Variants in IFFO2 observed in about 807,000 individuals in gnomAD.
IFFO2 encodes the protein intermediate filament family orphan 2.
Under a neutral mutation model 53.5 loss-of-function variants are expected in IFFO2, and 19 were observed. The observed-to-expected ratio is 0.36, with a 90% CI of 0.25 to 0.52. The LOEUF (loss-of-function observed/expected upper bound fraction) is 0.52, where lower values mean the gene tolerates loss of function less well. Among genes scored for constraint, IFFO2 ranks in the 20% least tolerant of loss-of-function variants. The pLI is 0.94. For synonymous variants in IFFO2, 303 were observed against 313.6 expected (o/e 0.97, Z 0.36); for missense variants, 570 against 727.4 (o/e 0.78, Z 2.49).
intron 1 of IFFO2, among the ~76,000 whole-genome samples, chr1:18,942,590 G>C (rs1240275553): frequency 2.6e-5 from 4 of 152,242 alleles, no homozygotes. Context: ...CTCAGAGCCA[G>C]AGTTCCCACC....
chr1:18,937,766 G>A (rs546705430), intron 1 of IFFO2, among the ~76,000 whole-genome samples: 7 of 152,216 alleles, frequency 4.6e-5, no homozygotes, highest in Non-Finnish European at 1.0e-4. Context: ...TGGCCCAGCC[G>A]CCACTGGAGG....
In IFFO2 at chr1:18,916,933, G is replaced by A. The variant is rs376077044; in HGVS notation, c.1073C>T (p.Thr358Ile). ...SDDEVGSMNI[T>I]DEMKRMFNQL... ...GTTAAACATGCGCTTCATCTCATCG[G>A]TGATGTTCATGGAGCCGACCTCATC... The change falls in exon 5 of 9, where the codon ACC becomes ATC. Residue 358 changes from threonine (T) to isoleucine (I), a missense_variant. Physicochemically the swap from Thr to Ile is moderately conservative, Grantham distance 89. Transcript: ENST00000455833. This position sits in a 1 kb window ranked among gnomAD's most constrained non-coding sequence, Gnocchi z 4.3. The A allele has an allele frequency of 6.4e-7, 1 of 1,551,932 alleles. No individual in the cohort carries two copies.
chr1:18,914,695 T>C (rs1169010645), intron 5 of IFFO2, among the ~76,000 whole-genome samples: 3 of 151,978 alleles, frequency 2.0e-5, no homozygotes, highest in African/African-American at 7.3e-5. Context: ...TGGTGGTGTG[T>C]GCCTGTAGTC....
intron 1 of IFFO2, among the ~76,000 whole-genome samples, chr1:18,922,353 C>G (rs1936227428): frequency 6.6e-6 from 1 of 152,162 alleles, no homozygotes; most frequent in Non-Finnish European, 1.5e-5. Context: ...CCACTGCTAC[C>G]CTCCCTACAT....
chr1:18,938,314 T>C (rs1357955502), intron 1 of IFFO2, among the ~76,000 whole-genome samples: 1 of 152,218 alleles, frequency 6.6e-6, no homozygotes, highest in Non-Finnish European at 1.5e-5. Context: ...CTCCTCCTAG[T>C]GAGCAAGCCC....
chr1:18,913,261 A>G lies in IFFO2; in HGVS notation c.1104-1178T>C, dbSNP rs112287875. On this transcript the variant is annotated intron_variant, in intron 5 of 8. Transcript: ENST00000455833. ...CCCCTCCAAAAGCCATTCCCACAGGAGCCCATAGGTGGCTCCCCGAGTCCA... is the reference window on the plus strand; with the variant it reads ...CCCCTCCAAAAGCCATTCCCACAGGGGCCCATAGGTGGCTCCCCGAGTCCA... Among the ~76,000 whole-genome samples the G allele has an allele frequency of 6.0e-3, 919 of 152,332 alleles. 14 individuals are homozygous for G. Among genetic ancestry groups the G allele is most frequent in the African/African-American group, 0.021 (864 of 41,588 alleles).
At chr1:18,940,341 G>A (rs1049153286) in intron 1 of IFFO2, among the ~76,000 whole-genome samples, 1 of 152,152 alleles carries the variant, frequency 6.6e-6, no homozygotes, top group South Asian at 2.1e-4. Context: ...CACTCGCCCC[G>A]TGCAACTTTG....
chr1:18,924,557 C>T (rs1304753965), intron 1 of IFFO2, among the ~76,000 whole-genome samples: 1 of 152,200 alleles, frequency 6.6e-6, no homozygotes, highest in Non-Finnish European at 1.5e-5. Flanking sequence ...GCACCATCCC[C>T]TCTCCCAGCC....
Position 18,917,020 on chromosome 1 carries a change from C to T in IFFO2, c.986G>A (p.Arg329His), listed in dbSNP as rs868342990. Residue 329 changes from arginine to histidine, a missense_variant, in exon 5 of 9, where the codon CGT becomes CAT. By Grantham distance (29) the Arg-to-His change is conservative (BLOSUM62 0). Transcript: ENST00000455833. The surrounding 1 kb of genome is among the most constrained non-coding windows in gnomAD (Gnocchi z 5.9). ...GATGTCATCATCGGAAGCCACCTTA[C>T]GCTCTTTCTTTTTGGGGACCACCTG... The part of the protein sequence containing the change: ...IFQVVPKKKE[R>H]KVASDDDISE... The T allele has an allele frequency of 8.4e-6, 13 of 1,552,186 alleles. No homozygotes were observed. The highest frequency in any genetic ancestry group is 4.9e-5 in the East Asian group (2 of 40,932).
chr1:18,915,649 C>T (rs992513588), intron 5 of IFFO2, among the ~76,000 whole-genome samples: 2 of 152,266 alleles, frequency 1.3e-5, no homozygotes, highest in Middle Eastern at 6.8e-3. Context: ...GTCTCAGTTT[C>T]CCTGTCTACA....
At position 18,907,335 on chromosome 1, in the gene IFFO2, G is replaced by T. The variant is rs1935965520; in HGVS notation, c.*1226C>A. 1.3e-5 allele frequency: 2 copies of T among 152,236 alleles called. No homozygotes were observed. The highest frequency in any genetic ancestry group is 2.4e-5 in the African/African-American group (1 of 41,466). 9.4% of individuals were successfully genotyped at this position (152,236 alleles called of 1,614,324 possible). A position where few individuals can be genotyped will look rare whatever the true frequency, so the allele number is the denominator to read the frequency against. ...CCCCGACTGGCCAGTCGAGGGAACTGCTGAGAGCGGCTTGCGTGTGTCGAG... is the reference window on the plus strand; with the variant it reads ...CCCCGACTGGCCAGTCGAGGGAACTTCTGAGAGCGGCTTGCGTGTGTCGAG... On this transcript the variant is annotated 3_prime_UTR_variant, in exon 9 of 9. Coordinates refer to ENST00000455833, the MANE Select transcript of IFFO2 (RefSeq NM_001136265.2).
At chr1:18,913,844 T>A (rs1350420710) in intron 5 of IFFO2, among the ~76,000 whole-genome samples, 1 of 152,146 alleles carries the variant, frequency 6.6e-6, no homozygotes, top group African/African-American at 2.4e-5. Flanking sequence ...TGTTTGTTTG[T>A]TTGTTTGAGA....
chr1:18,946,452 T>C (rs1245636813), intron 1 of IFFO2, among the ~76,000 whole-genome samples: 1 of 144,548 alleles, frequency 6.9e-6, no homozygotes, highest in Non-Finnish European at 1.5e-5. Context: ...GCTCACTCTG[T>C]TGCCCAGGCT....
intron 1 of IFFO2, among the ~76,000 whole-genome samples, chr1:18,945,166 T>A (rs550645208): frequency 1.3e-5 from 2 of 152,170 alleles, no homozygotes; most frequent in Non-Finnish European, 2.9e-5. Flanking sequence ...GAAACCTTTC[T>A]TGACTGGCCC....
At chr1:18,954,691 T>A (rs1023998036) in intron 1 of IFFO2, among the ~76,000 whole-genome samples, 1 of 152,162 alleles carries the variant, frequency 6.6e-6, no homozygotes, top group African/African-American at 2.4e-5. Flanking sequence ...TCTCCTCTTA[T>A]CGGAAAGCCA....
chr1:18,937,349 A>G (rs574531586), intron 1 of IFFO2, among the ~76,000 whole-genome samples: 156 of 152,336 alleles, frequency 1.0e-3, no homozygotes, highest in Non-Finnish European at 1.7e-3. Context: ...AAACACGCGC[A>G]CCAAAAGAAT....
rs547601989 is a variant in IFFO2, at chr1:18,924,349, G to C, written c.666-3228C>G. ...TGCTGGCACAGAGATTTCAACACCA[G>C]CTTCCCAAGCACAACCCTCCCTCTT... On this transcript the variant is annotated intron_variant, in intron 1 of 8. Coordinates refer to ENST00000455833, the MANE Select transcript of IFFO2 (RefSeq NM_001136265.2). 7.4e-5 allele frequency among the ~76,000 whole-genome samples: 11 copies of C among 148,012 alleles called. No individual in the cohort carries two copies. In the South Asian group the frequency reaches 2.3e-3, roughly 31 times the overall value.
chr1:18,913,140 T>C (rs1331307287), intron 5 of IFFO2, among the ~76,000 whole-genome samples: 1 of 152,242 alleles, frequency 6.6e-6, no homozygotes, highest in Non-Finnish European at 1.5e-5. Context: ...ACAATGAGTG[T>C]TCCCAATGGA....
At position 18,918,522 on chromosome 1, in the gene IFFO2, G is replaced by A. The variant is rs959525265; in HGVS notation, c.823-20C>T. 8.4e-6 allele frequency: 13 copies of A among 1,551,192 alleles called. No individual in the cohort carries two copies. Among genetic ancestry groups the A allele is most frequent in the East Asian group, 4.9e-5 (2 of 40,910 alleles). ...CATGGGCTGCAGGGAGGACAGCAGGGTTTACATGAGCGAGGGATGGAGCAA... is the reference window on the plus strand; with the variant it reads ...CATGGGCTGCAGGGAGGACAGCAGGATTTACATGAGCGAGGGATGGAGCAA... On this transcript the variant is annotated intron_variant, in intron 3 of 8. Coordinates refer to ENST00000455833, the MANE Select transcript of IFFO2 (RefSeq NM_001136265.2). The surrounding 1 kb of genome is among the most constrained non-coding windows in gnomAD (Gnocchi z 5.2).
Sources: gnomAD v4.1 joint callset for allele counts (sites outside exome capture counted in the v4.1 genomes callset) on GRCh38, gnomAD v4.1.1 for gene constraint, Gnocchi (gnomAD v3.1) non-coding constraint, MANE v1.5 for transcripts, NCBI Gene and HGNC (gene_info 2026-07-23, HGNC 2026-07-21) for gene names.